Variants in GLI2 observed in about 807,000 individuals in gnomAD.
GLI2 encodes transcription activator GLI2.
A neutral mutation model predicts 78.9 loss-of-function variants in GLI2; 22 were observed. That is an observed-to-expected ratio of 0.28 (90% CI 0.20 to 0.40). GLI2 has a LOEUF of 0.40. Ranked by LOEUF, GLI2 falls within the 10% of genes least tolerant of loss-of-function variation. The pLI is 1.00. For missense variants in GLI2, 2,097 were observed against 2,213.2 expected (o/e 0.95, Z 1.05); for synonymous variants, 974 against 963.7 (o/e 1.01, Z -0.20).
intron 3 of GLI2, among the ~76,000 whole-genome samples, chr2:120,929,957 G>A (rs1367258913): frequency 6.6e-6 from 1 of 152,246 alleles, no homozygotes; most frequent in East Asian, 1.9e-4. Flanking sequence ...AGGGAGCTCA[G>A]TCCCTATTTG....
intron 5 of GLI2, 42 bp from the exon 6 acceptor site, chr2:120,968,672 T>G: frequency 5.2e-6 from 4 of 762,468 alleles, no homozygotes; most frequent in Non-Finnish European, 8.8e-6. Flanking sequence ...CCCTCCCCCA[T>G]CCCCAGTGAT....
At chr2:120,836,028 A>G (rs1686594679) in intron 2 of GLI2, among the ~76,000 whole-genome samples, 1 of 152,212 alleles carries the variant, frequency 6.6e-6, no homozygotes. Context: ...CTAACAGTTT[A>G]CTATATGTTA....
At chr2:120,785,147 C>T (rs921493274) in intron 1 of GLI2, among the ~76,000 whole-genome samples, 41 of 152,110 alleles carry the variant, frequency 2.7e-4, no homozygotes, top group Non-Finnish European at 1.2e-4. Context: ...GCCTGGGCTG[C>T]GATGAGGTGG....
Position 120,990,966 on chromosome 2 carries a change from C to A in GLI2, c.*291C>A. The A allele has an allele frequency of 7.6e-6, 3 of 396,988 alleles. No homozygotes were observed. The highest frequency in any genetic ancestry group is 1.4e-5 in the Non-Finnish European group (3 of 221,672). The allele number at this position is 396,988 out of a possible 1,614,324, so 24.6% of individuals were successfully genotyped here. A position where few individuals can be genotyped will look rare whatever the true frequency, so the allele number is the denominator to read the frequency against. On this transcript the variant is annotated 3_prime_UTR_variant, in exon 14 of 14. Coordinates refer to ENST00000361492, the MANE Select transcript of GLI2 (RefSeq NM_001374353.1). ...TTGGTGCTTACAGGACCGCGCTGTT[C>A]CGGCTTCTTCACGGCTGACATTCGG...
chr2:120,738,725 G>A (rs1438032119), intron 1 of GLI2, among the ~76,000 whole-genome samples: 1 of 152,182 alleles, frequency 6.6e-6, no homozygotes, highest in Non-Finnish European at 1.5e-5. Context: ...CCAAGCCACC[G>A]AGGAACAAGG....
Position 120,988,523 on chromosome 2 carries a change from G to A in GLI2, c.2558G>A (p.Ser853Asn). The A allele has an allele frequency of 6.6e-7, 1 of 1,517,290 alleles. No individual in the cohort carries two copies. The highest frequency in any genetic ancestry group is 1.2e-5 in the South Asian group (1 of 82,062). The allele number at this position is 1,517,290 out of a possible 1,614,324, so 94.0% of individuals were successfully genotyped here. A position where few individuals can be genotyped will look rare whatever the true frequency, so the allele number is the denominator to read the frequency against. Residue 853 changes from serine to asparagine, a missense_variant, in exon 14 of 14, where the codon AGC becomes AAC. Around this residue, in one of 5 missense-constraint regions of GLI2, gnomAD observed 1,290 missense variants for 1,261.7 expected, o/e 1.02. Transcript: ENST00000361492. ...GCGTCGCGGCGCTCGAGCGAGGCCAGCCAGTGCAGCGGCGGCTCCGGGCTG... is the reference window on the plus strand; with the variant it reads ...GCGTCGCGGCGCTCGAGCGAGGCCAACCAGTGCAGCGGCGGCTCCGGGCTG... Reference protein sequence around the residue: ...TDASRRSSEASQCSGGSGLLN... With the variant: ...TDASRRSSEANQCSGGSGLLN...
chr2:120,760,140 C>T (rs781157938), intron 1 of GLI2, among the ~76,000 whole-genome samples: 1 of 152,152 alleles, frequency 6.6e-6, no homozygotes, highest in Non-Finnish European at 1.5e-5. Context: ...GATGGGCCAG[C>T]TCTGTTGCTC....
chr2:120,945,984 C>CACACACACACACACAA (rs1680692033), intron 3 of GLI2, among the ~76,000 whole-genome samples: 1 of 150,452 alleles, frequency 6.6e-6, no homozygotes, highest in East Asian at 1.9e-4. Context: ...CACACACACA[C>CACACACACACACACAA]ACACACAGCT....
chr2:120,892,450 C>T (rs2104753157), intron 2 of GLI2, among the ~76,000 whole-genome samples: 1 of 152,332 alleles, frequency 6.6e-6, no homozygotes, highest in Non-Finnish European at 1.5e-5. Flanking sequence ...CCTGTCCCAG[C>T]TAGCCAGGGG....
chr2:120,973,155 G>A (rs1453192090), intron 8 of GLI2, among the ~76,000 whole-genome samples: 3 of 152,176 alleles, frequency 2.0e-5, no homozygotes, highest in African/African-American at 7.2e-5. Context: ...TTCTGTTATC[G>A]TCAAGCAAGC....
intron 2 of GLI2, among the ~76,000 whole-genome samples, chr2:120,894,873 A>AT (rs979180760): frequency 5.9e-5 from 9 of 152,004 alleles, no homozygotes. Context: ...TAATTTTTGT[A>AT]TTTTTAGTAA....
chr2:120,861,876 G>A (rs1050429262), intron 2 of GLI2, among the ~76,000 whole-genome samples: 4 of 152,204 alleles, frequency 2.6e-5, no homozygotes, highest in African/African-American at 9.7e-5. Context: ...AGCCAGGCAG[G>A]GGTTGTGTCT....
intron 2 of GLI2, among the ~76,000 whole-genome samples, chr2:120,861,391 T>C (rs1687894113): frequency 6.6e-6 from 1 of 152,204 alleles, no homozygotes; most frequent in Non-Finnish European, 1.5e-5. Flanking sequence ...AGTATGGCCC[T>C]TGGATGGGCC....
intron 2 of GLI2, among the ~76,000 whole-genome samples, chr2:120,913,864 A>G (rs1678955133): frequency 6.6e-6 from 1 of 152,212 alleles, no homozygotes; most frequent in Non-Finnish European, 1.5e-5. Flanking sequence ...CTGGGAAACC[A>G]TCACCAGGGC....
At chr2:120,913,425 A>C (rs1678933113) in intron 2 of GLI2, among the ~76,000 whole-genome samples, 1 of 152,224 alleles carries the variant, frequency 6.6e-6, no homozygotes, top group Non-Finnish European at 1.5e-5. Flanking sequence ...GGTTCAATTA[A>C]ATTGTGTTAT....
intron 2 of GLI2, among the ~76,000 whole-genome samples, 160 bp downstream of exon 2, chr2:120,797,628 A>C (rs1684464880): frequency 6.6e-6 from 1 of 151,256 alleles, no homozygotes; most frequent in African/African-American, 2.4e-5. Flanking sequence ...AGGCACCATG[A>C]AGGTCACCTG....
At chr2:120,825,415 G>A (rs556398611) in intron 2 of GLI2, among the ~76,000 whole-genome samples, 1 of 151,608 alleles carries the variant, frequency 6.6e-6, no homozygotes, top group East Asian at 2.0e-4. Flanking sequence ...GTGCTGGACT[G>A]TGTGCGCCTA....
chr2:120,988,274 GGCTGTCGGA>G lies in GLI2; in HGVS notation c.2316_2324del (p.Glu773_Ser775del). ...CCCGCGGGGCTGCTGCCGAACCCGCGGCTGTCGGAGCTGTCCGCGAGCGAGGTGACCATG... is the reference window on the plus strand; with the variant it reads ...CCCGCGGGGCTGCTGCCGAACCCGCGGCTGTCCGCGAGCGAGGTGACCATG... On this transcript the variant is annotated inframe_deletion, in exon 14 of 14. Coordinates refer to ENST00000361492, the MANE Select transcript of GLI2 (RefSeq NM_001374353.1). 1 of 1,568,564 alleles carries G rather than the reference GGCTGTCGGA, an allele frequency of 6.4e-7. No homozygotes were observed.
At chr2:120,960,003 T>C (rs991971978) in intron 5 of GLI2, among the ~76,000 whole-genome samples, 1 of 152,196 alleles carries the variant, frequency 6.6e-6, no homozygotes, top group Non-Finnish European at 1.5e-5. Context: ...GGAGAGCTCA[T>C]GGACAGCCAA....
Sources: gnomAD v4.1 joint callset for allele counts (sites outside exome capture counted in the v4.1 genomes callset) on GRCh38, gnomAD v4.1.1 for gene constraint, gnomAD v4.1.1 regional missense constraint, MANE v1.5 for transcripts, NCBI Gene and HGNC (gene_info 2026-07-23, HGNC 2026-07-21) for gene names.